The following DNM3 variants were observed in gnomAD, a reference collection of about 807,000 sequenced individuals.
DNM3 encodes dynamin 3, also known as dynamin-3.
In DNM3, 47 loss-of-function variants were observed where a neutral mutation model predicts 101.6. The observed-to-expected ratio is 0.46, with a 90% CI of 0.37 to 0.59. The LOEUF (loss-of-function observed/expected upper bound fraction) is 0.59. Among genes scored for constraint, DNM3 ranks in the 20% least tolerant of loss-of-function variants. DNM3 has a pLI of 0.00. For missense variants in DNM3, 849 were observed against 1,085.7 expected, an observed-to-expected ratio of 0.78 and a Z score of 3.06; for synonymous variants, 385 against 387.9, an observed-to-expected ratio of 0.99 and a Z score of 0.09.
intron 1 of DNM3, 71 bp downstream of exon 1, chr1:171,841,888 C>A: frequency 6.6e-7 from 1 of 1,526,006 alleles, no homozygotes; most frequent in East Asian, 2.5e-5. Flanking sequence ...GGAACGTGGA[C>A]GGGCAGCGGG....
intron 1 of DNM3, among the ~76,000 whole-genome samples, chr1:171,882,025 T>A (rs1053108359): frequency 6.6e-6 from 1 of 152,170 alleles, no homozygotes; most frequent in Admixed American, 6.5e-5. Context: ...AATTTCAAAC[T>A]TGTAGAAGAG....
intron 14 of DNM3, 50 bp from the exon 15 acceptor site, chr1:172,253,519 CCTCT>C: frequency 8.6e-7 from 1 of 1,161,556 alleles, no homozygotes; most frequent in South Asian, 1.5e-5. Flanking sequence ...CCTCTCCTCT[CCTCT>C]CCTCTCCTCT....
intron 18 of DNM3, chr1:172,386,843 A>T: frequency 2.8e-6 from 1 of 353,678 alleles, no homozygotes; most frequent in Middle Eastern, 8.7e-4. Context: ...AAATGCTCAC[A>T]AAGCCAGCAG....
chr1:172,282,536 A>C (rs2063530149), intron 15 of DNM3, among the ~76,000 whole-genome samples: 1 of 152,172 alleles, frequency 6.6e-6, no homozygotes, highest in African/African-American at 2.4e-5. Context: ...CATCATACTA[A>C]TTCTTATAGA....
chr1:172,262,874 G>T (rs1378449236), intron 15 of DNM3, among the ~76,000 whole-genome samples: 1 of 152,040 alleles, frequency 6.6e-6, no homozygotes, highest in African/African-American at 2.4e-5. Context: ...ATTCACCCAA[G>T]ATCTTATTAT....
At chr1:172,081,990 C>G (rs2053184854) in intron 12 of DNM3, 88 bp downstream of exon 12, 1 of 1,331,028 alleles carries the variant, frequency 7.5e-7, no homozygotes, top group African/African-American at 1.4e-5. Context: ...GTTTCACCAC[C>G]TTTGAGAATA....
intron 4 of DNM3, among the ~76,000 whole-genome samples, chr1:172,028,485 C>A (rs2048367184): frequency 6.6e-6 from 1 of 152,100 alleles, no homozygotes; most frequent in African/African-American, 2.4e-5. Context: ...AAAATCGACA[C>A]CCTAACATCA....
At chr1:172,070,370 C>A (rs2052065860) in intron 11 of DNM3, among the ~76,000 whole-genome samples, 1 of 152,148 alleles carries the variant, frequency 6.6e-6, no homozygotes, top group Non-Finnish European at 1.5e-5. Context: ...TAAGAATCAG[C>A]TGTACTCCTG....
intron 17 of DNM3, among the ~76,000 whole-genome samples, chr1:172,359,021 A>C (rs944298004): frequency 5.9e-5 from 9 of 151,806 alleles, no homozygotes; most frequent in Non-Finnish European, 1.0e-4. Context: ...ATCACTTAGC[A>C]TGGTGAGATT....
intron 14 of DNM3, among the ~76,000 whole-genome samples, chr1:172,147,034 C>A (rs1320115442): frequency 6.6e-6 from 1 of 151,106 alleles, no homozygotes; most frequent in East Asian, 1.9e-4. Flanking sequence ...AAATTGAGTT[C>A]CCCTTAGAAT....
intron 1 of DNM3, among the ~76,000 whole-genome samples, chr1:171,859,434 G>A (rs77521126): frequency 0.014 from 2,129 of 152,160 alleles, 57 homozygotes; most frequent in African/African-American, 0.047. Flanking sequence ...CGAGGGCAGG[G>A]TCTCTTTTAT....
At chr1:172,048,350 G>A (rs114380887) in intron 9 of DNM3, among the ~76,000 whole-genome samples, 6,467 of 152,214 alleles carry the variant, frequency 0.042, 143 homozygotes, top group Middle Eastern at 0.071. Flanking sequence ...TTCAGAAATA[G>A]GAATCTAAAT....
At chr1:172,030,187 T>C (rs1014113932) in intron 4 of DNM3, among the ~76,000 whole-genome samples, 1 of 152,172 alleles carries the variant, frequency 6.6e-6, no homozygotes, top group African/African-American at 2.4e-5. Context: ...CAAAACAGCA[T>C]GGTACTGGTA....
intron 13 of DNM3, among the ~76,000 whole-genome samples, chr1:172,096,292 T>C (rs2054239815): frequency 6.6e-6 from 1 of 152,264 alleles, no homozygotes; most frequent in Non-Finnish European, 1.5e-5. Flanking sequence ...GCTATTTTTA[T>C]GTTGCTTAAA....
intron 1 of DNM3, among the ~76,000 whole-genome samples, chr1:171,901,240 G>GA (rs1022770733): frequency 2.0e-4 from 30 of 150,912 alleles, no homozygotes; most frequent in Non-Finnish European, 2.8e-4. Context: ...AATTGTGACA[G>GA]AAAAAAAAAT....
intron 1 of DNM3, among the ~76,000 whole-genome samples, chr1:171,886,081 T>C (rs191274726): frequency 1.3e-5 from 2 of 152,308 alleles, no homozygotes; most frequent in East Asian, 3.9e-4. Flanking sequence ...AATAGTCAGA[T>C]TTGTCTCAAC....
rs548502579 is a variant in DNM3 at position 172,059,796 on chromosome 1, T to C, written c.1336-9023T>C. Among the ~76,000 whole-genome samples, 609 of 142,164 alleles carry C rather than the reference T, an allele frequency of 4.3e-3. 3 individuals are homozygous for C. Among genetic ancestry groups the C allele is most frequent in the African/African-American group, 0.016 (582 of 36,998 alleles). 93.3% of individuals were successfully genotyped at this position (142,164 alleles called of 152,430 possible). On this transcript the variant is annotated intron_variant, in intron 10 of 20. Coordinates refer to ENST00000627582, the MANE Select transcript of DNM3 (RefSeq NM_015569.5). ...TTTGAAAACTGTCACAAGACAGGGA[T>C]GCCCTCTCTCACCACTCCTATTCAA...
intron 1 of DNM3, among the ~76,000 whole-genome samples, chr1:171,898,068 T>C (rs2037970287): frequency 6.6e-6 from 1 of 152,184 alleles, no homozygotes; most frequent in Non-Finnish European, 1.5e-5. Context: ...CTGTGGCATG[T>C]AGACCATACC....
At chr1:171,918,463 T>C (rs941558078) in intron 1 of DNM3, among the ~76,000 whole-genome samples, 3 of 152,218 alleles carry the variant, frequency 2.0e-5, no homozygotes, top group Non-Finnish European at 4.4e-5. Context: ...TTCATTTTGC[T>C]GGACCATCAG....
Sources: gnomAD v4.1 joint callset for allele counts (sites outside exome capture counted in the v4.1 genomes callset) on GRCh38, gnomAD v4.1.1 for gene constraint, MANE v1.5 for transcripts, NCBI Gene and HGNC (gene_info 2026-07-23, HGNC 2026-07-21) for gene names.